Variants in RCOR1 observed in about 807,000 individuals in gnomAD.
RCOR1 encodes the protein REST corepressor 1.
In RCOR1, 12 loss-of-function variants were observed where a neutral mutation model predicts 64.0. That is an observed-to-expected ratio of 0.19 (90% CI 0.12 to 0.30). The LOEUF (loss-of-function observed/expected upper bound fraction) is 0.30. Ranked by LOEUF, RCOR1 falls within the 10% of genes least tolerant of loss-of-function variation. The pLI is 1.00. For missense variants in RCOR1, 502 were observed against 621.2 expected, an observed-to-expected ratio of 0.81 and a Z score of 2.04; for synonymous variants, 279 against 227.2, an observed-to-expected ratio of 1.23 and a Z score of -2.05.
intron 2 of RCOR1, among the ~76,000 whole-genome samples, chr14:102,653,893 A>G (rs142532271): frequency 1.3e-4 from 19 of 149,444 alleles, no homozygotes; most frequent in African/African-American, 4.4e-4. Context: ...CTCTTTATAA[A>G]TTACCTAGTC....
intron 2 of RCOR1, among the ~76,000 whole-genome samples, chr14:102,623,852 C>T (rs1460268318): frequency 4.0e-5 from 6 of 151,266 alleles, no homozygotes; most frequent in South Asian, 2.1e-4. Context: ...GTCAGGAGAT[C>T]GAGACCATCC....
intron 2 of RCOR1, among the ~76,000 whole-genome samples, chr14:102,596,875 C>CTT (rs61687380): frequency 3.5e-5 from 4 of 115,398 alleles, no homozygotes; most frequent in African/African-American, 9.8e-5. Flanking sequence ...CTCCCCCCGC[C>CTT]TTTTTTTTTT....
chr14:102,647,571 A>C (rs1168708529), intron 2 of RCOR1, among the ~76,000 whole-genome samples: 1 of 152,120 alleles, frequency 6.6e-6, no homozygotes, highest in Non-Finnish European at 1.5e-5. Context: ...TGGCCACCCC[A>C]GCCTCCCAAA....
At chr14:102,598,439 A>T (rs1014571649) in intron 2 of RCOR1, among the ~76,000 whole-genome samples, 8 of 144,960 alleles carry the variant, frequency 5.5e-5, no homozygotes, top group Non-Finnish European at 9.0e-5. Flanking sequence ...TAAAATCCTG[A>T]TTCAGTTCTT....
intron 2 of RCOR1, among the ~76,000 whole-genome samples, chr14:102,603,660 G>A (rs551758363): frequency 1.3e-5 from 2 of 148,692 alleles, no homozygotes; most frequent in African/African-American, 5.0e-5. Context: ...TTGCTCTGTT[G>A]CCCAGGCTGG....
At chr14:102,672,301 C>T (rs1015946507) in intron 2 of RCOR1, among the ~76,000 whole-genome samples, 27 of 152,070 alleles carry the variant, frequency 1.8e-4, no homozygotes, top group African/African-American at 6.0e-4. Flanking sequence ...CAAGCTCCAC[C>T]TCCTGTTACG....
At chr14:102,684,765 C>CTG (rs991475850) in intron 3 of RCOR1, among the ~76,000 whole-genome samples, 8 of 152,052 alleles carry the variant, frequency 5.3e-5, no homozygotes, top group African/African-American at 9.6e-5. Flanking sequence ...GATAGATTAT[C>CTG]TGTGTGTGTG....
At chr14:102,598,728 G>A (rs1004422046) in intron 2 of RCOR1, among the ~76,000 whole-genome samples, 22 of 152,146 alleles carry the variant, frequency 1.4e-4, no homozygotes, top group Admixed American at 6.5e-5. Flanking sequence ...GATTACAGGC[G>A]TGAGCCGCCA....
intron 2 of RCOR1, among the ~76,000 whole-genome samples, chr14:102,594,083 A>G (rs955323357): frequency 6.6e-6 from 1 of 152,202 alleles, no homozygotes; most frequent in Non-Finnish European, 1.5e-5. Flanking sequence ...CCTGGCTGCT[A>G]TTCTGTGTAG....
At chr14:102,707,586 G>T (rs1399803509) in intron 5 of RCOR1, 74 bp downstream of exon 5, 14 of 1,208,622 alleles carry the variant, frequency 1.2e-5, no homozygotes, top group Non-Finnish European at 1.4e-5. Flanking sequence ...CTTGAGATAG[G>T]GATATCATAC....
At chr14:102,593,410 G>A (rs2139871097) in intron 2 of RCOR1, 85 bp downstream of exon 2, 2 of 1,371,680 alleles carry the variant, frequency 1.5e-6, no homozygotes, top group Admixed American at 3.3e-5. Context: ...GGAGCCCGCC[G>A]ACAACTTTCT....
chr14:102,718,055 T>G lies in RCOR1; in HGVS notation c.1054-2952T>G, dbSNP rs575735673. On this transcript the variant is annotated intron_variant, in intron 8 of 11. Transcript: ENST00000262241. ...AACAGCAAACTCGACTAACAACAGC[T>G]TAAACAATTTAGGGTTTATTTTTCT... Among the ~76,000 whole-genome samples the G allele has an allele frequency of 5.3e-5, 8 of 152,306 alleles. No homozygotes were observed. The East Asian group carries it at 1.5e-3, about 29-fold the overall frequency.
intron 8 of RCOR1, among the ~76,000 whole-genome samples, chr14:102,719,160 G>T: frequency 6.6e-6 from 1 of 151,996 alleles, no homozygotes; most frequent in Non-Finnish European, 1.5e-5. Context: ...TCGGCTCACT[G>T]CAACCCCTGC....
chr14:102,664,640 T>G (rs1187599227), intron 2 of RCOR1, among the ~76,000 whole-genome samples: 1 of 152,198 alleles, frequency 6.6e-6, no homozygotes, highest in East Asian at 1.9e-4. Context: ...CTTGTCGGTC[T>G]GGATTGCTGT....
chr14:102,658,951 C>T (rs1401319051), intron 2 of RCOR1: 1 of 235,558 alleles, frequency 4.2e-6, no homozygotes, highest in African/African-American at 2.3e-5. Context: ...CTACTGTATA[C>T]ACTCACCACC....
At chr14:102,698,347 G>A (rs1895686731) in intron 3 of RCOR1, among the ~76,000 whole-genome samples, 2 of 152,184 alleles carry the variant, frequency 1.3e-5, no homozygotes, top group Admixed American at 6.5e-5. Flanking sequence ...AAGAACCACA[G>A]GCAGGACTAG....
At chr14:102,691,867 A>G (rs998339062) in intron 3 of RCOR1, among the ~76,000 whole-genome samples, 1 of 152,258 alleles carries the variant, frequency 6.6e-6, no homozygotes, top group African/African-American at 2.4e-5. Flanking sequence ...CTTGACTATT[A>G]CAAATATTAC....
rs1896310724 is a variant in RCOR1 at position 102,728,343 on chromosome 14, A to G, written c.*1837A>G. ...CTGCTACCTGGAGACAGGGTTAGCA[A>G]AATAACACTAGTGATGAGGGAGAGG... On this transcript the variant is annotated 3_prime_UTR_variant, in exon 12 of 12. Transcript: ENST00000262241. The G allele has an allele frequency of 1.3e-5, 2 of 152,166 alleles. No individual in the cohort carries two copies. The highest frequency in any genetic ancestry group is 1.3e-4 in the Admixed American group (2 of 15,260). 9.4% of individuals were successfully genotyped at this position (152,166 alleles called of 1,614,324 possible).
At chr14:102,655,992 A>C (rs1894716235) in intron 2 of RCOR1, 2 of 789,422 alleles carry the variant, frequency 2.5e-6, no homozygotes, top group Non-Finnish European at 3.0e-6. Flanking sequence ...CACACACGTG[A>C]AATAAACCTA....
Sources: gnomAD v4.1 joint callset for allele counts (sites outside exome capture counted in the v4.1 genomes callset) on GRCh38, gnomAD v4.1.1 for gene constraint, MANE v1.5 for transcripts, NCBI Gene and HGNC (gene_info 2026-07-23, HGNC 2026-07-21) for gene names.